Variants in COG5 observed in about 807,000 individuals in gnomAD.
The protein encoded by COG5 is component of oligomeric golgi complex 5, also known as conserved oligomeric Golgi complex subunit 5.
Under a neutral mutation model 110.4 loss-of-function variants are expected in COG5, and 86 were observed. The observed-to-expected ratio is 0.78, with a 90% CI of 0.65 to 0.93. The LOEUF (loss-of-function observed/expected upper bound fraction) is 0.93. Ranked by LOEUF, COG5 falls within the 40% of genes least tolerant of loss-of-function variation. The pLI is 0.00. For missense variants in COG5, 1,077 were observed against 987.0 expected (o/e 1.09, Z -1.22); for synonymous variants, 360 against 334.6 (o/e 1.08, Z -0.83).
intron 12 of COG5, among the ~76,000 whole-genome samples, chr7:107,287,302 T>C (rs1301368620): frequency 6.6e-6 from 1 of 152,158 alleles, no homozygotes; most frequent in Non-Finnish European, 1.5e-5. Context: ...TTTAAGTGGC[T>C]AGCTGTCCCT....
rs774081941 is a variant in COG5, at chr7:107,474,548, C to G, written c.538+52689G>C. 1.2e-5 allele frequency: 19 copies of G among 1,609,924 alleles called. No individual in the cohort carries two copies. The Admixed American group carries it at 2.9e-4, about 24-fold the overall frequency. The stretch of plus-strand genomic sequence containing the variant: ...GGCAGAGCTGTAATGTTAATGATAT[C>G]CATTTGGATTTTTTCTTTTTTCTCT... On this transcript the variant is annotated intron_variant, in intron 6 of 21. Transcript: ENST00000297135. The surrounding 1 kb of genome is among the most constrained non-coding windows in gnomAD (Gnocchi z 5.7).
intron 14 of COG5, among the ~76,000 whole-genome samples, chr7:107,262,327 A>G (rs1803420815): frequency 6.6e-6 from 1 of 152,142 alleles, no homozygotes; most frequent in Non-Finnish European, 1.5e-5. Flanking sequence ...TACGTGATTC[A>G]TTAAAATCAA....
intron 17 of COG5, among the ~76,000 whole-genome samples, chr7:107,243,559 C>A (rs1010378194): frequency 6.8e-6 from 1 of 147,952 alleles, no homozygotes; most frequent in Non-Finnish European, 1.5e-5. Flanking sequence ...AAGACTCCCA[C>A]ACAATAACGG....
At chr7:107,425,989 G>GGTAAAGTTTCCAT (rs1284650514) in intron 6 of COG5, among the ~76,000 whole-genome samples, 2 of 152,090 alleles carry the variant, frequency 1.3e-5, no homozygotes, top group Non-Finnish European at 1.5e-5. Context: ...CAGAGACGGG[G>GGTAAAGTTTCCAT]GTAAAGTTTC....
At chr7:107,495,208 G>A (rs10464620) in intron 6 of COG5, among the ~76,000 whole-genome samples, 22,557 of 152,124 alleles carry the variant, frequency 0.15, 2,093 homozygotes, top group Non-Finnish European at 0.2. Flanking sequence ...GCAACTGAAA[G>A]GATAGGGAAG....
chr7:107,261,560 A>G (rs1803351205), intron 14 of COG5, among the ~76,000 whole-genome samples: 1 of 152,222 alleles, frequency 6.6e-6, no homozygotes, highest in Non-Finnish European at 1.5e-5. Context: ...AATTAGAGAC[A>G]AAGATCTGGG....
intron 8 of COG5, among the ~76,000 whole-genome samples, chr7:107,366,029 AG>A (rs1291767220): frequency 6.6e-6 from 1 of 152,124 alleles, no homozygotes; most frequent in African/African-American, 2.4e-5. Flanking sequence ...GGAGGGTGGC[AG>A]GAAGGAGGAA....
intron 17 of COG5, among the ~76,000 whole-genome samples, chr7:107,238,857 T>C (rs917167988): frequency 1.3e-5 from 2 of 152,212 alleles, no homozygotes; most frequent in African/African-American, 4.8e-5. Flanking sequence ...TTTCTTGTTA[T>C]TGATTTGAGT....
intron 11 of COG5, among the ~76,000 whole-genome samples, chr7:107,318,477 A>G (rs1808961119): frequency 1.3e-5 from 2 of 152,376 alleles, no homozygotes; most frequent in South Asian, 2.1e-4. Context: ...CACATTTTAA[A>G]TTAATATGTG....
intron 6 of COG5, among the ~76,000 whole-genome samples, chr7:107,416,027 T>C (rs1292139817): frequency 1.3e-5 from 2 of 149,642 alleles, no homozygotes; most frequent in African/African-American, 2.4e-5. Context: ...TATGTATATA[T>C]GTGTGTATAT....
intron 8 of COG5, among the ~76,000 whole-genome samples, chr7:107,363,384 A>C (rs1395814207): frequency 6.6e-6 from 1 of 152,238 alleles, no homozygotes; most frequent in Non-Finnish European, 1.5e-5. Context: ...GGATACATCA[A>C]GTTGACTGGA....
chr7:107,399,605 G>A (rs939852143), intron 7 of COG5, among the ~76,000 whole-genome samples: 1 of 152,142 alleles, frequency 6.6e-6, no homozygotes, highest in African/African-American at 2.4e-5. Context: ...GCGGAAATAT[G>A]AGTCAATTAA....
At chr7:107,475,259 T>G (rs1157600277) in intron 6 of COG5, 2 of 1,602,466 alleles carry the variant, frequency 1.2e-6, no homozygotes, top group East Asian at 2.2e-5. Flanking sequence ...AATAATGCTG[T>G]AATACACAAC....
intron 8 of COG5, among the ~76,000 whole-genome samples, chr7:107,364,143 C>T (rs1400449784): frequency 6.6e-6 from 1 of 152,032 alleles, no homozygotes; most frequent in East Asian, 1.9e-4. Flanking sequence ...TTTTGTTTTC[C>T]TGATATGATG....
chr7:107,516,895 A>AG (rs1799957671), intron 6 of COG5, among the ~76,000 whole-genome samples: 1 of 152,230 alleles, frequency 6.6e-6, no homozygotes, highest in Non-Finnish European at 1.5e-5. Context: ...CACAAAGATG[A>AG]GGAAAAACCA....
At chr7:107,285,707 A>T (rs1805571900) in intron 12 of COG5, among the ~76,000 whole-genome samples, 1 of 152,028 alleles carries the variant, frequency 6.6e-6, no homozygotes, top group Admixed American at 6.6e-5. Context: ...TTAAAAAAAA[A>T]ATTCCCGGCC....
At chr7:107,283,788 T>G in intron 12 of COG5, 56 bp from the exon 13 acceptor site, 1 of 1,294,444 alleles carries the variant, frequency 7.7e-7, no homozygotes, top group South Asian at 1.2e-5. Flanking sequence ...CTAAATGCTA[T>G]TGTATCAGGC....
intron 6 of COG5, among the ~76,000 whole-genome samples, chr7:107,422,372 C>G (rs1390371821): frequency 6.6e-6 from 1 of 152,034 alleles, no homozygotes; most frequent in Non-Finnish European, 1.5e-5. Context: ...ACTAAAAATA[C>G]AAAAATTAGC....
chr7:107,555,925 A>C (rs1803281580), intron 2 of COG5, among the ~76,000 whole-genome samples: 1 of 152,062 alleles, frequency 6.6e-6, no homozygotes. Context: ...GAGGCACAAG[A>C]ATCATTTGAA....
Sources: gnomAD v4.1 joint callset for allele counts (sites outside exome capture counted in the v4.1 genomes callset) on GRCh38, gnomAD v4.1.1 for gene constraint, Gnocchi (gnomAD v3.1) non-coding constraint, MANE v1.5 for transcripts, NCBI Gene and HGNC (gene_info 2026-07-23, HGNC 2026-07-21) for gene names.